MYOF: variants seen among roughly 807,000 people sequenced by gnomAD.
MYOF encodes the protein myoferlin.
Under a neutral mutation model 284.2 loss-of-function variants are expected in MYOF, and 244 were observed. That is an observed-to-expected ratio of 0.86 (90% CI 0.77 to 0.95). The LOEUF (loss-of-function observed/expected upper bound fraction) is 0.95, where lower values mean the gene tolerates loss of function less well. MYOF is among the 40% of genes least tolerant of loss of function. The probability of loss-of-function intolerance (pLI) is 0.00; values close to 1 mark genes in which losing one functional copy is unlikely to be tolerated. For synonymous variants in MYOF, 904 were observed against 919.7 expected, an observed-to-expected ratio of 0.98 and a Z score of 0.31; for missense variants, 2,496 against 2,560.6, an observed-to-expected ratio of 0.97 and a Z score of 0.54.
intron 5 of MYOF, among the ~76,000 whole-genome samples, chr10:93,413,791 C>G (rs1313842023): frequency 6.6e-6 from 1 of 151,968 alleles, no homozygotes; most frequent in African/African-American, 2.4e-5. Context: ...GAGTTTGAGA[C>G]CAGCCTGGGC....
chr10:93,333,457 G>C lies in MYOF; in HGVS notation c.4720-145C>G, dbSNP rs527547948. Reference sequence around the variant, plus strand: ...GGCACCCCGTGCCTAAGACAAGGGAGCAATGCTCTCCTTTGGGTGGCATGC... The same window carrying C: ...GGCACCCCGTGCCTAAGACAAGGGACCAATGCTCTCCTTTGGGTGGCATGC... On this transcript the variant is annotated intron_variant, in intron 42 of 53. Coordinates refer to ENST00000359263, the MANE Select transcript of MYOF (RefSeq NM_013451.4). 166 of 675,978 alleles carry C rather than the reference G, an allele frequency of 2.5e-4. No individual in the cohort carries two copies. The African/African-American group carries it at 2.5e-3, about 10-fold the overall frequency. 41.9% of individuals were successfully genotyped at this position (675,978 alleles called of 1,614,324 possible).
At chr10:93,471,811 C>T (rs2057153050) in intron 1 of MYOF, among the ~76,000 whole-genome samples, 1 of 151,806 alleles carries the variant, frequency 6.6e-6, no homozygotes, top group South Asian at 2.1e-4. Context: ...ATTGCTTGAA[C>T]CTGGGAGGTG....
intron 48 of MYOF, among the ~76,000 whole-genome samples, chr10:93,322,222 TTTA>T (rs1842871394): frequency 6.6e-6 from 1 of 152,202 alleles, no homozygotes; most frequent in Non-Finnish European, 1.5e-5. Context: ...TTGTTCTCAC[TTTA>T]TGAATATATT....
intron 19 of MYOF, among the ~76,000 whole-genome samples, chr10:93,382,011 G>C (rs2134005007): frequency 6.6e-6 from 1 of 152,132 alleles, no homozygotes; most frequent in East Asian, 1.9e-4. Flanking sequence ...CATCCAGCCT[G>C]GGTGACAGAG....
chr10:93,438,902 G>A (rs1399847020), intron 3 of MYOF, among the ~76,000 whole-genome samples: 2 of 152,170 alleles, frequency 1.3e-5, no homozygotes, highest in Admixed American at 6.5e-5. Flanking sequence ...CCTGACTCCA[G>A]GCCAGGACTG....
At chr10:93,363,648 A>C (rs1440331722) in intron 27 of MYOF, among the ~76,000 whole-genome samples, 1 of 152,230 alleles carries the variant, frequency 6.6e-6, no homozygotes, top group Admixed American at 6.5e-5. Flanking sequence ...CCTGGGAAAC[A>C]GAAAGAGCCT....
At chr10:93,378,693 G>GTGTGTGTGTA in intron 21 of MYOF, among the ~76,000 whole-genome samples, 16 of 87,888 alleles carry the variant, frequency 1.8e-4, no homozygotes, top group East Asian at 1.6e-3. Flanking sequence ...GTGTGTGTGT[G>GTGTGTGTGTA]TATATATATA....
At chr10:93,329,438 C>T (rs994604415) in intron 44 of MYOF, among the ~76,000 whole-genome samples, 2 of 152,218 alleles carry the variant, frequency 1.3e-5, no homozygotes, top group Admixed American at 6.5e-5. Flanking sequence ...CATTCCCCAG[C>T]GCACAGCACT....
intron 4 of MYOF, among the ~76,000 whole-genome samples, chr10:93,429,176 T>G (rs1354494850): frequency 6.6e-6 from 1 of 152,108 alleles, no homozygotes; most frequent in Non-Finnish European, 1.5e-5. Context: ...CAAGGTCTGG[T>G]TATTAAAAAG....
At chr10:93,310,745 A>G in intron 51 of MYOF, 102 bp from the exon 52 acceptor site, 5 of 1,099,544 alleles carry the variant, frequency 4.5e-6, no homozygotes, top group Non-Finnish European at 5.3e-6. Context: ...TTATTCTTGT[A>G]AAACAATCCT....
At chr10:93,428,559 T>A (rs1255638211) in intron 4 of MYOF, among the ~76,000 whole-genome samples, 6 of 120,784 alleles carry the variant, frequency 5.0e-5, no homozygotes, top group Non-Finnish European at 8.6e-5. Context: ...TTTTCCTACA[T>A]CTGGTAAACA....
At position 93,329,671 on chromosome 10, in the gene MYOF, A is replaced by G. The variant is rs752393796; in HGVS notation, c.4975T>C (p.Tyr1659His). 6.2e-7 allele frequency: 1 copy of G among 1,613,920 alleles called. No individual in the cohort carries two copies. The highest frequency in any genetic ancestry group is 1.1e-5 in the South Asian group (1 of 91,062). Residue 1659 changes from tyrosine (Y) to histidine (H), a missense_variant, in exon 44 of 54, where the codon TAC becomes CAC. This residue lies in a region of MYOF where 2,436 missense variants were observed against 2,480.7 expected (regional missense o/e 0.98). Coordinates refer to ENST00000359263, the MANE Select transcript of MYOF (RefSeq NM_013451.4). ...FGSHCGIPEE[Y>H]CVSGVNTWRD... ...ACAGTCAAAGCAACTTACACACAGT[A>G]CTCCTCTGGTATGCCGCAGTGGGAC...
In MYOF at chr10:93,319,757, G is replaced by A. The variant is rs1399660647; in HGVS notation, c.5598+115C>T. ...GTGGCAGATTCCCCATCTCTGCTGA[G>A]AAGGAGCCGGACTCAGTGACCTCCG... is the stretch of plus-strand genomic sequence containing the variant. On this transcript the variant is annotated intron_variant, in intron 49 of 53. Transcript: ENST00000359263. The A allele has an allele frequency of 2.4e-5, 34 of 1,411,494 alleles. No individual in the cohort carries two copies. In the South Asian group the frequency reaches 4.3e-4, roughly 18 times the overall value. The allele number at this position is 1,411,494 out of a possible 1,614,324, so 87.4% of individuals were successfully genotyped here.
At chr10:93,352,146 AG>A (rs1309054730) in intron 32 of MYOF, among the ~76,000 whole-genome samples, 2 of 152,204 alleles carry the variant, frequency 1.3e-5, no homozygotes, top group African/African-American at 2.4e-5. Flanking sequence ...TGGTTGAGTG[AG>A]GCTCTGCAGT....
chr10:93,392,562 G>A (rs1489954573), intron 17 of MYOF, among the ~76,000 whole-genome samples: 1 of 152,184 alleles, frequency 6.6e-6, no homozygotes, highest in Admixed American at 6.5e-5. Context: ...TTGGGGGAAA[G>A]TTACTTGATA....
At chr10:93,375,064 C>A in intron 22 of MYOF, 109 bp from the exon 23 acceptor site, 5 of 1,074,572 alleles carry the variant, frequency 4.7e-6, no homozygotes, top group Non-Finnish European at 6.6e-6. Flanking sequence ...CAAACCACAT[C>A]AACCTCCTAA....
intron 16 of MYOF, among the ~76,000 whole-genome samples, chr10:93,394,448 C>CTTGTTTTTTTTTTTTTT (rs1846872315): frequency 3.5e-5 from 1 of 28,682 alleles, no homozygotes. Flanking sequence ...ACCATCTTGT[C>CTTGTTTTTTTTTTTTTT]TTTTTTTTTT....
chr10:93,406,317 T>TATATATATATATATATATATA (rs1554855587), intron 7 of MYOF, among the ~76,000 whole-genome samples: 87 of 120,296 alleles, frequency 7.2e-4, no homozygotes, highest in Non-Finnish European at 1.2e-3. Context: ...TATATATATA[T>TATATATATATATATATATATA]TTGTTTTTAT....
At chr10:93,363,292 G>A (rs2133935363) in intron 27 of MYOF, among the ~76,000 whole-genome samples, 1 of 152,328 alleles carries the variant, frequency 6.6e-6, no homozygotes, top group African/African-American at 2.4e-5. Context: ...GTGGAATATG[G>A]ATTGGGGAGA....
Sources: allele counts gnomAD v4.1 joint callset (sites outside exome capture counted in the v4.1 genomes callset), GRCh38; gene constraint gnomAD v4.1.1; regional missense constraint gnomAD v4.1.1; transcripts MANE v1.5; gene names NCBI Gene and HGNC (gene_info 2026-07-23, HGNC 2026-07-21).